MGST1: variants seen among roughly 807,000 people sequenced by gnomAD.
MGST1 encodes the protein microsomal glutathione S-transferase 1, also known as glutathione S-transferase 12.
MGST1 carries 5 observed loss-of-function variants against 8.9 expected under a neutral mutation model. The observed-to-expected ratio is 0.56, with a 90% CI of 0.29 to 1.19. The LOEUF (loss-of-function observed/expected upper bound fraction) is 1.19. Among genes scored for constraint, MGST1 ranks in the 50% most tolerant of loss-of-function variants. MGST1 has a pLI of 0.08. For missense variants in MGST1, 182 were observed against 187.4 expected (o/e 0.97, Z 0.17); for synonymous variants, 54 against 67.8 (o/e 0.80, Z 1.00).
At chr12:16,568,584 G>A (rs1053580167) in intron 4 of MGST1, among the ~76,000 whole-genome samples, 1 of 152,086 alleles carries the variant, frequency 6.6e-6, no homozygotes, top group African/African-American at 2.4e-5. Flanking sequence ...AGATTCCAAA[G>A]CTTAGCACAA....
chr12:16,353,126 T>C (rs959084940), intron 1 of MGST1, among the ~76,000 whole-genome samples: 4 of 152,006 alleles, frequency 2.6e-5, no homozygotes, highest in Non-Finnish European at 4.4e-5. Context: ...CTCTGCCTCC[T>C]GGGTTCATGC....
downstream of MGST1, among the ~76,000 whole-genome samples, chr12:16,590,642 G>A (rs1943464240): frequency 6.6e-6 from 1 of 151,860 alleles, no homozygotes; most frequent in African/African-American, 2.4e-5. Context: ...AGGACAGTTT[G>A]ATGACATCTT....
At chr12:16,514,281 C>A in intron 4 of MGST1, 1 of 292,210 alleles carries the variant, frequency 3.4e-6, no homozygotes, top group Non-Finnish European at 6.8e-6. Flanking sequence ...CAGATGAAGC[C>A]AAGAGGGTAG....
downstream of MGST1, among the ~76,000 whole-genome samples, chr12:16,379,661 T>A (rs558607869): frequency 6.6e-6 from 1 of 152,330 alleles, no homozygotes; most frequent in East Asian, 1.9e-4. Context: ...GCTGGCCTCA[T>A]AAAATGAGTT....
intron 4 of MGST1, among the ~76,000 whole-genome samples, chr12:16,545,072 A>T (rs1171235036): frequency 2.6e-5 from 4 of 152,090 alleles, no homozygotes; most frequent in African/African-American, 4.8e-5. Context: ...AAGTATATTT[A>T]AAAAATGGCC....
In MGST1 at chr12:16,589,428, A is replaced by G. The variant is rs1943421550; in HGVS notation, n.483-100A>G. The G allele has an allele frequency of 6.6e-6, 1 of 152,122 alleles. No individual in the cohort carries two copies. Among genetic ancestry groups the G allele is most frequent in the Non-Finnish European group, 1.5e-5 (1 of 68,010 alleles). 9.4% of individuals were successfully genotyped at this position (152,122 alleles called of 1,614,324 possible). On this transcript the variant is annotated intron_variant and non_coding_transcript_variant, in intron 4 of 4. Coordinates refer to the MGST1 transcript ENST00000538857. This position sits in a 1 kb window ranked among gnomAD's most constrained non-coding sequence, Gnocchi z 4.2. ...TTTTACTTGTGACTTCACAGTAAAA[A>G]ATTAGGTCGTAGTGCAGATGAAAGC...
In MGST1 at chr12:16,547,492, G is replaced by A. The variant is rs1941839974; in HGVS notation, n.483-42036G>A. The stretch of plus-strand genomic sequence containing the variant: ...GGTAGAAGATGCTATTCGCTTTTGT[G>A]TGCTCATTATTAGCAGGTTGGAGAT... On this transcript the variant is annotated intron_variant and non_coding_transcript_variant, in intron 4 of 4. Coordinates refer to the MGST1 transcript ENST00000538857. The surrounding 1 kb of genome is among the most constrained non-coding windows in gnomAD (Gnocchi z 4.6). Among the ~76,000 whole-genome samples the A allele has an allele frequency of 6.6e-6, 1 of 152,098 alleles. No homozygotes were observed. The highest frequency in any genetic ancestry group is 1.5e-5 in the Non-Finnish European group (1 of 68,016).
intron 4 of MGST1, among the ~76,000 whole-genome samples, chr12:16,565,895 C>T (rs1016050229): frequency 1.3e-4 from 19 of 148,962 alleles, no homozygotes; most frequent in Admixed American, 3.4e-4. Context: ...TCTGCACTCT[C>T]GTGTTTATTA....
At chr12:16,385,085 C>G (rs759021762) in intron 1 of MGST1, among the ~76,000 whole-genome samples, 2 of 152,060 alleles carry the variant, frequency 1.3e-5, no homozygotes, top group African/African-American at 2.4e-5. Flanking sequence ...CGTGGACTTG[C>G]TAGAATGGAT....
chr12:16,490,059 C>A (rs1174274231), intron 4 of MGST1, among the ~76,000 whole-genome samples: 5 of 151,894 alleles, frequency 3.3e-5, no homozygotes, highest in African/African-American at 1.2e-4. Context: ...CTTAAGAGTT[C>A]AAGACCAGCC....
At chr12:16,501,097 C>T (rs1203094404) in intron 4 of MGST1, among the ~76,000 whole-genome samples, 4 of 70,060 alleles carry the variant, frequency 5.7e-5, no homozygotes, top group Non-Finnish European at 9.3e-5. Context: ...GACTCTGTCT[C>T]GAAAAAAAAA....
At chr12:16,407,158 A>G (rs1239209651) in intron 1 of MGST1, among the ~76,000 whole-genome samples, 3 of 152,218 alleles carry the variant, frequency 2.0e-5, no homozygotes, top group African/African-American at 7.2e-5. Flanking sequence ...ATATTTGCAA[A>G]CTATGCATCT....
chr12:16,354,991 G>A (rs1296836402), intron 2 of MGST1, among the ~76,000 whole-genome samples: 1 of 151,706 alleles, frequency 6.6e-6, no homozygotes, highest in African/African-American at 2.4e-5. Flanking sequence ...CACATATTAT[G>A]TATTCAAGCA....
intron 1 of MGST1, chr12:16,399,577 C>G: frequency 6.2e-7 from 1 of 1,601,048 alleles, no homozygotes; most frequent in South Asian, 1.1e-5. Context: ...TAGTCATCTT[C>G]TGAAGGATTA....
intron 1 of MGST1, among the ~76,000 whole-genome samples, chr12:16,386,347 G>A (rs1940503799): frequency 1.3e-5 from 2 of 152,112 alleles, no homozygotes; most frequent in Non-Finnish European, 2.9e-5. Flanking sequence ...AGTTTATAGC[G>A]GCATGTCACC....
rs1035513416 is a variant in MGST1 at position 16,587,800 on chromosome 12, T to A, written n.483-1728T>A. ...TCTGTCTAAAAATCTCACTGTGTCCTGAATGGGGGGTTTCAGGGGGAGGGA... is the reference window on the plus strand; with the variant it reads ...TCTGTCTAAAAATCTCACTGTGTCCAGAATGGGGGGTTTCAGGGGGAGGGA... On this transcript the variant is annotated intron_variant and non_coding_transcript_variant, in intron 4 of 4. Coordinates refer to the MGST1 transcript ENST00000538857. This position sits in a 1 kb window ranked among gnomAD's most constrained non-coding sequence, Gnocchi z 4.3. Among the ~76,000 whole-genome samples, 10 of 151,940 alleles carry A rather than the reference T, an allele frequency of 6.6e-5. No individual in the cohort carries two copies. The South Asian group carries it at 1.9e-3, about 28-fold the overall frequency.
intron 4 of MGST1, among the ~76,000 whole-genome samples, chr12:16,566,247 G>C (rs1296888935): frequency 1.3e-5 from 2 of 151,384 alleles, no homozygotes; most frequent in African/African-American, 2.4e-5. Flanking sequence ...CTGGGAAAGG[G>C]AGCAGAGAGG....
intron 1 of MGST1, among the ~76,000 whole-genome samples, chr12:16,349,588 ATAT>A (rs1370267545): frequency 6.6e-6 from 1 of 152,180 alleles, no homozygotes. Context: ...GTAGAAAAAA[ATAT>A]TATTTGCTCT....
intron 1 of MGST1, among the ~76,000 whole-genome samples, chr12:16,434,552 G>T (rs1046847701): frequency 2.0e-5 from 3 of 151,908 alleles, no homozygotes; most frequent in African/African-American, 7.3e-5. Flanking sequence ...ATTATACTAT[G>T]ACTTGGTAAG....
Sources: gnomAD v4.1 joint callset for allele counts (sites outside exome capture counted in the v4.1 genomes callset) on GRCh38, gnomAD v4.1.1 for gene constraint, Gnocchi (gnomAD v3.1) non-coding constraint, MANE v1.5 for transcripts, NCBI Gene and HGNC (gene_info 2026-07-23, HGNC 2026-07-21) for gene names.